Variants in CYREN observed in about 807,000 individuals in gnomAD.
CYREN encodes cell cycle regulator of NHEJ, also known as cell cycle regulator of non-homologous end joining.
In CYREN, 7 loss-of-function variants were observed where a neutral mutation model predicts 9.7. The observed-to-expected ratio is 0.72, with a 90% confidence interval of 0.41 to 1.36. CYREN has a LOEUF of 1.36. Ranked by LOEUF, CYREN falls within the 40% of genes most tolerant of loss-of-function variation. The pLI is 0.01. For synonymous variants in CYREN, 76 were observed against 77.9 expected (o/e 0.98, Z 0.13); for missense variants, 215 against 198.1 (o/e 1.09, Z -0.51).
intron 2 of CYREN, among the ~76,000 whole-genome samples, chr7:135,121,914 G>T (rs576762191): frequency 8.5e-5 from 13 of 152,194 alleles, no homozygotes; most frequent in Non-Finnish European, 1.8e-4. Flanking sequence ...TAGATTGGAA[G>T]ATCCCACTCA....
At chr7:135,098,530 A>C (rs1032840115) in intron 2 of CYREN, among the ~76,000 whole-genome samples, 1 of 152,214 alleles carries the variant, frequency 6.6e-6, no homozygotes, top group Non-Finnish European at 1.5e-5. Context: ...CCACACAAAC[A>C]ATGCCAACTG....
At chr7:135,138,801 G>A (rs1829401042) in intron 2 of CYREN, among the ~76,000 whole-genome samples, 1 of 151,784 alleles carries the variant, frequency 6.6e-6, no homozygotes, top group Admixed American at 6.6e-5. Flanking sequence ...GTGTCCATGT[G>A]TACCTAATGT....
At chr7:135,161,016 A>C (rs1829922474), downstream of CYREN, among the ~76,000 whole-genome samples, 4 of 152,210 alleles carry the variant, frequency 2.6e-5, no homozygotes, top group African/African-American at 9.6e-5. This position sits in a 1 kb window ranked among gnomAD's most constrained non-coding sequence, Gnocchi z 4.1. Flanking sequence ...GGACTGCACA[A>C]GGCAAGAGGG....
intron 2 of CYREN, among the ~76,000 whole-genome samples, chr7:135,096,734 AG>A (rs1822893130): frequency 4.5e-5 from 4 of 89,264 alleles, no homozygotes; most frequent in Non-Finnish European, 7.4e-5. Flanking sequence ...AGAAAGAAAG[AG>A]AAAGAATGAA....
At chr7:135,108,578 G>A (rs1825125896) in intron 2 of CYREN, among the ~76,000 whole-genome samples, 1 of 152,188 alleles carries the variant, frequency 6.6e-6, no homozygotes, top group African/African-American at 2.4e-5. Context: ...GAAGTCAGCT[G>A]ATGGGGTTCC....
At chr7:135,124,264 A>ATT (rs1255011886) in intron 2 of CYREN, among the ~76,000 whole-genome samples, 1 of 152,202 alleles carries the variant, frequency 6.6e-6, no homozygotes, top group Admixed American at 6.5e-5. Flanking sequence ...CTCTGACAAA[A>ATT]TAGACTTTAA....
intron 2 of CYREN, among the ~76,000 whole-genome samples, chr7:135,149,197 T>C (rs1829613538): frequency 2.0e-5 from 3 of 152,208 alleles, no homozygotes; most frequent in Admixed American, 6.5e-5. Context: ...TCTTTTTTTT[T>C]CATAAATGTA....
chr7:135,134,412 C>CA (rs1562912344), intron 2 of CYREN, among the ~76,000 whole-genome samples: 1 of 152,038 alleles, frequency 6.6e-6, no homozygotes, highest in Non-Finnish European at 1.5e-5. Flanking sequence ...CTCTTAGACT[C>CA]ACGTTGATTT....
At chr7:135,147,708 T>C (rs912185397) in intron 2 of CYREN, 4 of 451,536 alleles carry the variant, frequency 8.9e-6, no homozygotes, top group Non-Finnish European at 1.8e-5. Flanking sequence ...AGGAAATGAG[T>C]AGGAGGTGAC....
intron 2 of CYREN, among the ~76,000 whole-genome samples, chr7:135,137,982 T>G (rs1342170772): frequency 6.6e-6 from 1 of 151,794 alleles, no homozygotes; most frequent in Non-Finnish European, 1.5e-5. Context: ...AGGTCCTGTC[T>G]TCTAATACGA....
intron 2 of CYREN, chr7:135,115,378 A>C: frequency 6.5e-7 from 1 of 1,543,934 alleles, no homozygotes; most frequent in Non-Finnish European, 8.8e-7. Flanking sequence ...GTTGCTCCCC[A>C]GATCTGCACC....
intron 2 of CYREN, among the ~76,000 whole-genome samples, chr7:135,107,988 T>A (rs1470800227): frequency 6.6e-6 from 1 of 152,120 alleles, no homozygotes; most frequent in Non-Finnish European, 1.5e-5. Flanking sequence ...TTTTTTTTTA[T>A]CTTTGTTGAT....
intron 2 of CYREN, among the ~76,000 whole-genome samples, chr7:135,096,563 AGATAGATAGATAGATAGATACATAGAT>A (rs373315361): frequency 0.16 from 14,147 of 90,066 alleles, 1,123 homozygotes; most frequent in South Asian, 0.36. Flanking sequence ...AAAGAAAGAT[AGATAGATAGATAGATAGATACATAGAT>A]AGATAGATAG....
downstream of CYREN, chr7:135,164,372 G>T (rs937751867): frequency 3.2e-5 from 46 of 1,451,564 alleles, no homozygotes; most frequent in Non-Finnish European, 4.3e-5. Flanking sequence ...TGGACACAGG[G>T]AACAAGCAAG....
exon 3 of CYREN, chr7:135,093,137 T>A (rs1321759141): frequency 1.3e-5 from 2 of 150,702 alleles, no homozygotes; most frequent in East Asian, 3.9e-4. Flanking sequence ...AAGACAGGGA[T>A]ATTCACTCTC....
At chr7:135,122,526 C>A (rs1585242344) in intron 2 of CYREN, among the ~76,000 whole-genome samples, 1 of 152,196 alleles carries the variant, frequency 6.6e-6, no homozygotes, top group African/African-American at 2.4e-5. Flanking sequence ...ACCCCCCCAA[C>A]CAAGGGACAA....
intron 2 of CYREN, chr7:135,129,068 A>G: frequency 6.2e-7 from 1 of 1,608,488 alleles, no homozygotes. Flanking sequence ...ACTGCCCAGA[A>G]CCAAAGTGCC....
At chr7:135,115,449 A>G in intron 2 of CYREN, 3 of 1,551,482 alleles carry the variant, frequency 1.9e-6, no homozygotes, top group Non-Finnish European at 2.6e-6. Context: ...ACTGGCATAA[A>G]TTGGACAGAT....
At chr7:135,096,588 G>GATAGATAGATAGATAGATAGATAC (rs1822824765) in intron 2 of CYREN, among the ~76,000 whole-genome samples, 2 of 120,216 alleles carry the variant, frequency 1.7e-5, no homozygotes, top group Admixed American at 8.5e-5. Context: ...TAGATACATA[G>GATAGATAGATAGATAGATAGATAC]ATAGATAGAT....
Sources: gnomAD v4.1 joint callset for allele counts (sites outside exome capture counted in the v4.1 genomes callset) on GRCh38, gnomAD v4.1.1 for gene constraint, Gnocchi (gnomAD v3.1) non-coding constraint, MANE v1.5 for transcripts, NCBI Gene and HGNC (gene_info 2026-07-23, HGNC 2026-07-21) for gene names.